Variants in CYFIP2 observed in about 807,000 individuals in gnomAD.
The protein encoded by CYFIP2 is cytoplasmic FMR1-interacting protein 2.
CYFIP2 carries 29 observed loss-of-function variants against 158.7 expected under a neutral mutation model. The ratio of observed to expected loss-of-function variants is 0.18; its 90% CI spans 0.14 to 0.25. The LOEUF (loss-of-function observed/expected upper bound fraction) is 0.25. Ranked by LOEUF, CYFIP2 falls within the 10% of genes least tolerant of loss-of-function variation. The pLI is 1.00. For synonymous variants in CYFIP2, 585 were observed against 617.6 expected (o/e 0.95, Z 0.78); for missense variants, 852 against 1,639.5 (o/e 0.52, Z 8.29).
At chr5:157,347,441 C>T (rs1762777146) in intron 23 of CYFIP2, among the ~76,000 whole-genome samples, 1 of 152,148 alleles carries the variant, frequency 6.6e-6, no homozygotes, top group Non-Finnish European at 1.5e-5. Flanking sequence ...GCAGCTTGCC[C>T]ATGGCATTCA....
At chr5:157,299,933 G>A (rs1758600904) in intron 5 of CYFIP2, among the ~76,000 whole-genome samples, 1 of 152,140 alleles carries the variant, frequency 6.6e-6, no homozygotes, top group Admixed American at 6.5e-5. Context: ...AAACTAGAAT[G>A]TAAATTCCTG....
chr5:157,344,245 A>G (rs968981101), intron 23 of CYFIP2, among the ~76,000 whole-genome samples: 12 of 152,220 alleles, frequency 7.9e-5, no homozygotes, highest in East Asian at 3.8e-4. Flanking sequence ...TGCTGTTATT[A>G]TGAATGTTAA....
intron 23 of CYFIP2, among the ~76,000 whole-genome samples, chr5:157,345,878 A>G (rs17598343): frequency 0.16 from 24,412 of 151,536 alleles, 2,572 homozygotes; most frequent in Non-Finnish European, 0.24. Context: ...TTCTTCTAAC[A>G]CTCCTACATT....
chr5:157,302,969 A>G, intron 7 of CYFIP2, 79 bp downstream of exon 7: 1 of 1,102,792 alleles, frequency 9.1e-7, no homozygotes, highest in South Asian at 1.6e-5. Context: ...GTGGACCACG[A>G]GCCCAAGCAG....
intron 28 of CYFIP2, among the ~76,000 whole-genome samples, chr5:157,388,739 G>A (rs573127647): frequency 2.2e-4 from 34 of 152,246 alleles, no homozygotes; most frequent in African/African-American, 5.8e-4. Flanking sequence ...TAGTTTCTTC[G>A]TCTGTAAAAT....
rs765021301 is a variant in CYFIP2, at chr5:157,382,666, A to G, written c.3112+4A>G. 2 of 1,613,694 alleles carry G rather than the reference A, an allele frequency of 1.2e-6. No homozygotes were observed. Among genetic ancestry groups the G allele is most frequent in the Non-Finnish European group, 8.5e-7 (1 of 1,179,802 alleles). Reference sequence around the variant, plus strand: ...TTGCCTAGAGTCTACATCAAAGGTAAGAAACCACTACAGCAGCTGAATAGC... The same window carrying G: ...TTGCCTAGAGTCTACATCAAAGGTAGGAAACCACTACAGCAGCTGAATAGC... On this transcript the variant is annotated splice_donor_region_variant and intron_variant, in intron 27 of 30. Transcript: ENST00000620254.
intron 13 of CYFIP2, 113 bp downstream of exon 13, chr5:157,315,207 C>G: frequency 7.3e-7 from 1 of 1,375,424 alleles, no homozygotes; most frequent in Non-Finnish European, 9.7e-7. Context: ...TCGTGCTCTT[C>G]CCTGTCCTAC....
chr5:157,349,073 A>G (rs906500937), intron 23 of CYFIP2, among the ~76,000 whole-genome samples: 4 of 152,056 alleles, frequency 2.6e-5, no homozygotes, highest in Non-Finnish European at 5.9e-5. Flanking sequence ...TAGCCACCGC[A>G]CCTGGCCAAA....
intron 5 of CYFIP2, among the ~76,000 whole-genome samples, chr5:157,300,310 G>A (rs1339650619): frequency 6.6e-6 from 1 of 152,066 alleles, no homozygotes; most frequent in Non-Finnish European, 1.5e-5. Context: ...GCCGAGGCAG[G>A]TGGGTCACAA....
chr5:157,359,280 A>C, intron 24 of CYFIP2, 132 bp downstream of exon 24: 1 of 952,084 alleles, frequency 1.1e-6, no homozygotes, highest in Non-Finnish European at 1.6e-6. Flanking sequence ...GAAACCACTC[A>C]AGGAGTTCCC....
At chr5:157,299,833 C>T (rs1157369962) in intron 5 of CYFIP2, among the ~76,000 whole-genome samples, 5 of 152,118 alleles carry the variant, frequency 3.3e-5, no homozygotes, top group African/African-American at 7.2e-5. Flanking sequence ...ACCTGAGAGG[C>T]GGAGGTTGCA....
rs771414327 is a variant in CYFIP2 at position 157,325,652 on chromosome 5, T to C, written c.1982+14T>C. 8.2e-6 allele frequency: 13 copies of C among 1,585,598 alleles called. No homozygotes were observed. The highest frequency in any genetic ancestry group is 4.6e-5 in the South Asian group (4 of 86,234). On this transcript the variant is annotated intron_variant, in intron 17 of 30. Transcript: ENST00000620254. ...TTCCATGATGGAGTAAGAGGCAGGA[T>C]TGGGCCAGCAAGTGGCTCCTGGGGT... is the stretch of plus-strand genomic sequence containing the variant.
chr5:157,304,103 GCCT>G, intron 7 of CYFIP2, 132 bp from the exon 8 acceptor site: 1 of 1,151,510 alleles, frequency 8.7e-7, no homozygotes, highest in South Asian at 1.6e-5. Context: ...CTGGCATGCA[GCCT>G]CGCCTCCCTG....
intron 22 of CYFIP2, among the ~76,000 whole-genome samples, chr5:157,339,524 C>A (rs1762091827): frequency 6.6e-6 from 1 of 152,216 alleles, no homozygotes; most frequent in Non-Finnish European, 1.5e-5. Context: ...TTTTCCTGCT[C>A]CAGTAAAACA....
chr5:157,333,205 C>A, intron 20 of CYFIP2, 122 bp from the exon 21 acceptor site: 1 of 1,279,604 alleles, frequency 7.8e-7, no homozygotes, highest in Non-Finnish European at 1.1e-6. Context: ...TCCAGGAAAC[C>A]CCTCCCACCT....
chr5:157,326,139 G>C, intron 17 of CYFIP2, 32 bp from the exon 18 acceptor site: 1 of 1,527,770 alleles, frequency 6.5e-7, no homozygotes, highest in Non-Finnish European at 9.1e-7. Flanking sequence ...GGGGTTATTA[G>C]CAAGCGGCTG....
chr5:157,339,842 C>T (rs888792683), intron 22 of CYFIP2, among the ~76,000 whole-genome samples: 4 of 152,126 alleles, frequency 2.6e-5, no homozygotes, highest in Non-Finnish European at 4.4e-5. Context: ...AGGGTTTCTC[C>T]AAGAAGTTGA....
At position 157,300,904 on chromosome 5, in the gene CYFIP2, C is replaced by A; in HGVS notation, c.569+8C>A. On this transcript the variant is annotated splice_region_variant and intron_variant, in intron 6 of 30. Coordinates refer to ENST00000620254, the MANE Select transcript of CYFIP2 (RefSeq NM_001037333.3). The stretch of plus-strand genomic sequence containing the variant: ...CCACTCTGCCTACAAGAGGTCAGGG[C>A]AACCTCCCCCTCTCCCCTTTCCCCA... 2 of 1,546,642 alleles carry A rather than the reference C, an allele frequency of 1.3e-6. No individual in the cohort carries two copies. The highest frequency in any genetic ancestry group is 1.2e-5 in the South Asian group (1 of 82,566).
intron 28 of CYFIP2, among the ~76,000 whole-genome samples, chr5:157,387,785 G>A (rs548812654): frequency 4.7e-4 from 71 of 151,964 alleles, no homozygotes; most frequent in Non-Finnish European, 8.8e-4. Context: ...ATGAGTCACC[G>A]GGAATCAGGG....
Sources: allele counts gnomAD v4.1 joint callset (sites outside exome capture counted in the v4.1 genomes callset), GRCh38; gene constraint gnomAD v4.1.1; transcripts MANE v1.5; gene names NCBI Gene and HGNC (gene_info 2026-07-23, HGNC 2026-07-21).